SEC31A: variants seen among roughly 807,000 people sequenced by gnomAD.
The protein encoded by SEC31A is SEC31 homolog A, COPII component, also known as protein transport protein Sec31A.
SEC31A carries 70 observed loss-of-function variants against 151.0 expected under a neutral mutation model. That is an observed-to-expected ratio of 0.46 (90% CI 0.38 to 0.57). The LOEUF (loss-of-function observed/expected upper bound fraction) is 0.57. Ranked by LOEUF, SEC31A falls within the 20% of genes least tolerant of loss-of-function variation. The probability of loss-of-function intolerance (pLI) is 0.00; values close to 1 mark genes in which losing one functional copy is unlikely to be tolerated. For missense variants in SEC31A, 1,330 were observed against 1,471.2 expected (o/e 0.90, Z 1.57); for synonymous variants, 475 against 505.9 (o/e 0.94, Z 0.82).
At chr4:82,849,098 T>C in intron 19 of SEC31A, 121 bp from the exon 20 acceptor site, 1 of 857,496 alleles carries the variant, frequency 1.2e-6, no homozygotes. Flanking sequence ...TGCTGGGTAT[T>C]ATACAATAGA....
intron 21 of SEC31A, chr4:82,844,041 T>C (rs2149263199): frequency 7.5e-6 from 2 of 267,560 alleles, no homozygotes; most frequent in Middle Eastern, 2.2e-3. Context: ...CAAAAATAAT[T>C]TGTGTCATCT....
Position 82,857,061 on chromosome 4 carries a change from T to C in SEC31A, c.1772A>G (p.His591Arg), listed in dbSNP as rs777423729. 1.2e-6 allele frequency: 2 copies of C among 1,614,032 alleles called. No individual in the cohort carries two copies. The highest frequency in any genetic ancestry group is 1.7e-6 in the Non-Finnish European group (2 of 1,180,030). The change falls in exon 16 of 27, where the codon CAT (histidine) becomes CGT (arginine). Residue 591 changes from histidine (H) to arginine (R), a missense_variant. Transcript: ENST00000395310. ...NFESAVDLCL[H>R]DNRMADAIIL... Reference sequence around the variant, plus strand: ...AATGGCATCGGCCATGCGGTTATCATGTAAACAAAGGTCAACAGCACTCTC... The same window carrying C: ...AATGGCATCGGCCATGCGGTTATCACGTAAACAAAGGTCAACAGCACTCTC...
At chr4:82,878,700 C>G in intron 4 of SEC31A, 30 bp downstream of exon 4, 1 of 1,574,024 alleles carries the variant, frequency 6.4e-7, no homozygotes, top group Non-Finnish European at 8.7e-7. Context: ...AGCACATAGT[C>G]TAAGAATTAT....
chr4:82,865,258 T>C (rs1307884131), intron 10 of SEC31A, among the ~76,000 whole-genome samples: 1 of 152,028 alleles, frequency 6.6e-6, no homozygotes, highest in Non-Finnish European at 1.5e-5. Flanking sequence ...CAAAAAGTGC[T>C]AGAGAGGATG....
rs776414703 is a variant in SEC31A, at chr4:82,869,269, G to A, written c.882+1056C>T. 3.3e-5 allele frequency among the ~76,000 whole-genome samples: 5 copies of A among 150,648 alleles called. No homozygotes were observed. The South Asian group carries it at 6.3e-4, about 19-fold the overall frequency. ...CTAGTAGCTGGGACTACAGGCGCCCGCCACCACGTCCAGCTAATTTTTTTG... is the reference window on the plus strand; with the variant it reads ...CTAGTAGCTGGGACTACAGGCGCCCACCACCACGTCCAGCTAATTTTTTTG... On this transcript the variant is annotated intron_variant, in intron 8 of 26. Transcript: ENST00000395310.
At chr4:82,885,452 T>C (rs902773603) in intron 1 of SEC31A, among the ~76,000 whole-genome samples, 2 of 152,206 alleles carry the variant, frequency 1.3e-5, no homozygotes, top group Non-Finnish European at 2.9e-5. Flanking sequence ...TAATTTTAAA[T>C]ATTTTACTTA....
chr4:82,888,988 T>A (rs1398799185), intron 1 of SEC31A, among the ~76,000 whole-genome samples: 1 of 152,180 alleles, frequency 6.6e-6, no homozygotes, highest in African/African-American at 2.4e-5. Context: ...AGGTATACAA[T>A]CCCTAGTTGG....
At chr4:82,897,527 A>G (rs536354544) in intron 3 of SEC31A, among the ~76,000 whole-genome samples, 65 of 152,188 alleles carry the variant, frequency 4.3e-4, no homozygotes, top group Non-Finnish European at 8.2e-4. Context: ...TACTGTATAT[A>G]AAAAGCTTAG....
intron 4 of SEC31A, chr4:82,878,122 T>G (rs1158873989): frequency 1.3e-5 from 2 of 152,356 alleles, no homozygotes; most frequent in Non-Finnish European, 2.9e-5. Flanking sequence ...CATGAACTTT[T>G]AAAAGGCAAG....
intron 7 of SEC31A, chr4:82,871,675 T>A: frequency 1.9e-6 from 1 of 523,772 alleles, no homozygotes; most frequent in South Asian, 2.6e-5. Context: ...ATAAAATTTT[T>A]ATAAAACTAT....
chr4:82,837,200 A>ATATATATAT, intron 22 of SEC31A, among the ~76,000 whole-genome samples: 1 of 7,202 alleles, frequency 1.4e-4, no homozygotes, highest in Non-Finnish European at 9.7e-4. Context: ...TATATATATA[A>ATATATATAT]TTTCACCACA....
At chr4:82,847,873 T>G (rs528929377) in intron 20 of SEC31A, among the ~76,000 whole-genome samples, 1 of 152,244 alleles carries the variant, frequency 6.6e-6, no homozygotes, top group Admixed American at 6.5e-5. Flanking sequence ...TTCTAGAGAG[T>G]TAACAGTTAC....
At chr4:82,863,248 T>A in intron 12 of SEC31A, 70 bp downstream of exon 12, 2 of 866,358 alleles carry the variant, frequency 2.3e-6, no homozygotes, top group East Asian at 5.3e-5. Context: ...TGAGATAATC[T>A]GTGTAGAACT....
Position 82,862,547 on chromosome 4 carries a change from T to C in SEC31A, c.1535A>G (p.Asp512Gly). The change falls in exon 13 of 27, where the codon GAT becomes GGT. Residue 512 changes from aspartate to glycine, a missense_variant. By Grantham distance (94) the Asp-to-Gly change is moderately conservative (BLOSUM62 -1). Coordinates refer to ENST00000395310, the MANE Select transcript of SEC31A (RefSeq NM_001077207.4). ...AGGCCTTCTTACCACATTGGCTCCA[T>C]CCACTTTGTTCAAGGCCAAAGCAAT... ...KKIALALNKV[D>G]GANVALKDSD... The C allele has an allele frequency of 6.2e-7, 1 of 1,613,750 alleles. No individual in the cohort carries two copies. Among genetic ancestry groups the C allele is most frequent in the South Asian group, 1.1e-5 (1 of 91,062 alleles).
chr4:82,827,165 C>T (rs766668427), intron 24 of SEC31A, among the ~76,000 whole-genome samples: 2 of 152,072 alleles, frequency 1.3e-5, no homozygotes, highest in African/African-American at 2.4e-5. Flanking sequence ...AAATGTATAA[C>T]CTTCTTCTAG....
At chr4:82,869,434 A>C (rs1036888909) in intron 8 of SEC31A, among the ~76,000 whole-genome samples, 15 of 151,950 alleles carry the variant, frequency 9.9e-5, no homozygotes, top group African/African-American at 3.1e-4. Flanking sequence ...CCGGCCAACA[A>C]AATCCAATTT....
In SEC31A at chr4:82,857,706, T is replaced by A; in HGVS notation, c.1685A>T (p.Asn562Ile). 1.9e-6 allele frequency: 3 copies of A among 1,594,862 alleles called. No homozygotes were observed. Among genetic ancestry groups the A allele is most frequent in the Non-Finnish European group, 2.6e-6 (3 of 1,163,136 alleles). Residue 562 changes from asparagine (N) to isoleucine (I), a missense_variant, in exon 15 of 27, where the codon AAT becomes ATT. Coordinates refer to ENST00000395310, the MANE Select transcript of SEC31A (RefSeq NM_001077207.4). ...GTACTTACCCCCACTGACAGAGATATTAAATGTTCCTCCAGATGAGGGTAG... is the reference window on the plus strand; with the variant it reads ...GTACTTACCCCCACTGACAGAGATAATAAATGTTCCTCCAGATGAGGGTAG... ...EFLPSSGGTF[N>I]ISVSGDIDGL...
upstream of SEC31A, chr4:82,895,317 A>G (rs2126004225): frequency 6.6e-6 from 1 of 152,334 alleles, no homozygotes. Flanking sequence ...CTTAATAAAA[A>G]AAATTAGCTG....
chr4:82,858,803 C>T (rs1295103824), intron 14 of SEC31A, among the ~76,000 whole-genome samples: 1 of 151,568 alleles, frequency 6.6e-6, no homozygotes, highest in African/African-American at 2.4e-5. Flanking sequence ...CCTGGGTTCA[C>T]GCCATTTTCC....
Sources: allele counts gnomAD v4.1 joint callset (sites outside exome capture counted in the v4.1 genomes callset), GRCh38; gene constraint gnomAD v4.1.1; transcripts MANE v1.5; gene names NCBI Gene and HGNC (gene_info 2026-07-23, HGNC 2026-07-21).